Variants in MEGF11 observed in about 807,000 individuals in gnomAD.
MEGF11 encodes multiple epidermal growth factor-like domains protein 11.
MEGF11 carries 126 observed loss-of-function variants against 146.6 expected under a neutral mutation model. The observed-to-expected ratio is 0.86, with a 90% CI of 0.74 to 1.00. MEGF11 has a LOEUF of 1.00. MEGF11 is among the 50% of genes least tolerant of loss of function. MEGF11 has a pLI of 0.00. For missense variants in MEGF11, 1,509 were observed against 1,521.2 expected (o/e 0.99, Z 0.13); for synonymous variants, 532 against 583.4 (o/e 0.91, Z 1.27).
chr15:66,040,913 C>CT (rs11374661), intron 5 of MEGF11, among the ~76,000 whole-genome samples: 134,520 of 144,778 alleles, frequency 0.93, 62,766 homozygotes, highest in South Asian at 0.98. Flanking sequence ...GAGGAAGGGA[C>CT]TTTTTTTTTT....
intron 5 of MEGF11, among the ~76,000 whole-genome samples, chr15:66,092,908 G>A (rs1421116547): frequency 6.6e-6 from 1 of 152,220 alleles, no homozygotes; most frequent in African/African-American, 2.4e-5. Context: ...AAGATTCCTT[G>A]TAAGCCAAGT....
Position 66,096,364 on chromosome 15 carries a change from G to C in MEGF11, c.302-1870C>G, listed in dbSNP as rs371042387. Among the ~76,000 whole-genome samples the C allele has an allele frequency of 2.0e-5, 3 of 152,378 alleles. No homozygotes were observed. In the East Asian group the frequency reaches 5.8e-4, roughly 29 times the overall value. On this transcript the variant is annotated intron_variant, in intron 4 of 25. Coordinates refer to ENST00000395614, the MANE Select transcript of MEGF11 (RefSeq NM_001385028.1). ...TCGAAGAGACTTAAGAGAAAATCAT[G>C]TCCTGGCCCATTGTTTTATACCTGG...
At chr15:66,164,351 G>T (rs28742263) in intron 1 of MEGF11, among the ~76,000 whole-genome samples, 1 of 152,098 alleles carries the variant, frequency 6.6e-6, no homozygotes, top group African/African-American at 2.4e-5. Context: ...ACACAACCTG[G>T]ATCGCTGCAC....
intron 1 of MEGF11, among the ~76,000 whole-genome samples, chr15:66,179,833 A>G (rs1375307016): frequency 8.6e-6 from 1 of 116,380 alleles, no homozygotes; most frequent in Non-Finnish European, 1.7e-5. Flanking sequence ...CCCCACCAAC[A>G]CACAGTGCCT....
intron 5 of MEGF11, among the ~76,000 whole-genome samples, chr15:66,015,125 C>T (rs1177252623): frequency 6.6e-6 from 1 of 152,208 alleles, no homozygotes; most frequent in Non-Finnish European, 1.5e-5. Context: ...GACAGCACCA[C>T]AACAGCACGG....
At chr15:65,987,909 C>T (rs552991356) in intron 5 of MEGF11, among the ~76,000 whole-genome samples, 15 of 151,440 alleles carry the variant, frequency 9.9e-5, no homozygotes, top group South Asian at 8.4e-4. Flanking sequence ...TGGGGTTTCA[C>T]TGTGTTAGCC....
chr15:66,180,772 TG>T (rs2090523876), intron 1 of MEGF11, among the ~76,000 whole-genome samples: 1 of 152,240 alleles, frequency 6.6e-6, no homozygotes, highest in Admixed American at 6.5e-5. Context: ...GCATGTAGCA[TG>T]AGGGGGCTCT....
At chr15:66,148,765 C>T (rs984564542) in intron 1 of MEGF11, among the ~76,000 whole-genome samples, 6 of 152,130 alleles carry the variant, frequency 3.9e-5, no homozygotes, top group Non-Finnish European at 5.9e-5. Context: ...AGGTCTGGTG[C>T]GGGGTCCCTG....
chr15:66,238,740 A>G (rs1259444991), intron 1 of MEGF11, among the ~76,000 whole-genome samples: 1 of 152,126 alleles, frequency 6.6e-6, no homozygotes, highest in Admixed American at 6.5e-5. Flanking sequence ...CTCCAGGTAT[A>G]ACTTAAAGGC....
Position 65,928,450 on chromosome 15 carries a change from G to T in MEGF11, c.1650C>A (p.His550Gln). ...HADGCDPVTG[H>Q]CCCLAGWTGI... ...CTGTCCATCCGGCCAGGCAGCAGCA[G>T]TGGCCTGTGACGGGGTCACATCCAT... The change falls in exon 13 of 26, where the codon CAC becomes CAA. Residue 550 changes from histidine to glutamine, a missense_variant. Physicochemically the swap from His to Gln is conservative, Grantham distance 24 (BLOSUM62 0). Coordinates refer to ENST00000395614, the MANE Select transcript of MEGF11 (RefSeq NM_001385028.1). The T allele has an allele frequency of 6.2e-7, 1 of 1,602,052 alleles. No individual in the cohort carries two copies. The highest frequency in any genetic ancestry group is 1.1e-5 in the South Asian group (1 of 88,756).
chr15:65,916,063 G>C, intron 18 of MEGF11, 85 bp downstream of exon 18: 1 of 1,452,782 alleles, frequency 6.9e-7, no homozygotes, highest in Non-Finnish European at 9.2e-7. Context: ...AGCCCTGAGT[G>C]AGTGGACCTT....
chr15:66,227,452 A>G (rs2091877572), intron 1 of MEGF11, among the ~76,000 whole-genome samples: 1 of 152,188 alleles, frequency 6.6e-6, no homozygotes, highest in Non-Finnish European at 1.5e-5. Context: ...TTTCACACAA[A>G]TGAAAACAGA....
chr15:66,008,396 T>C (rs28587377), intron 5 of MEGF11, among the ~76,000 whole-genome samples: 1 of 61,818 alleles, frequency 1.6e-5, no homozygotes, highest in Non-Finnish European at 4.2e-5. Context: ...GAAACACACA[T>C]GCACACGCGC....
At chr15:66,176,610 G>A (rs1264898290) in intron 1 of MEGF11, among the ~76,000 whole-genome samples, 4 of 152,228 alleles carry the variant, frequency 2.6e-5, no homozygotes, top group Non-Finnish European at 5.9e-5. Context: ...GGCCAGTGTT[G>A]ACAGAAAACA....
chr15:66,008,961 A>G (rs1207385391), intron 5 of MEGF11, among the ~76,000 whole-genome samples: 1 of 152,194 alleles, frequency 6.6e-6, no homozygotes, highest in Non-Finnish European at 1.5e-5. Context: ...AGCAAAACCT[A>G]AATTTCTGTT....
At chr15:65,998,644 G>A (rs2082270317) in intron 5 of MEGF11, among the ~76,000 whole-genome samples, 1 of 152,178 alleles carries the variant, frequency 6.6e-6, no homozygotes, top group Admixed American at 6.5e-5. Flanking sequence ...AGACGTAAGA[G>A]GGCAGGTCAC....
chr15:66,173,230 C>T (rs2090309469), intron 1 of MEGF11, among the ~76,000 whole-genome samples: 1 of 152,220 alleles, frequency 6.6e-6, no homozygotes, highest in Non-Finnish European at 1.5e-5. Context: ...CAAACCCCAA[C>T]CAAACCAATA....
At chr15:66,229,317 AC>A (rs1320055080) in intron 1 of MEGF11, among the ~76,000 whole-genome samples, 1 of 151,888 alleles carries the variant, frequency 6.6e-6, no homozygotes, top group Non-Finnish European at 1.5e-5. Flanking sequence ...AGGACTGTCC[AC>A]AAGCCCCAGG....
At chr15:66,251,844 G>A (rs1180925904) in intron 1 of MEGF11, among the ~76,000 whole-genome samples, 1 of 152,194 alleles carries the variant, frequency 6.6e-6, no homozygotes, top group Admixed American at 6.5e-5. Flanking sequence ...CCTAGACCTC[G>A]AATTTCTAGC....
Sources: allele counts gnomAD v4.1 joint callset (sites outside exome capture counted in the v4.1 genomes callset), GRCh38; gene constraint gnomAD v4.1.1; transcripts MANE v1.5; gene names NCBI Gene and HGNC (gene_info 2026-07-23, HGNC 2026-07-21).